RACGAP1: variants seen among roughly 807,000 people sequenced by gnomAD.
The protein encoded by RACGAP1 is rac GTPase-activating protein 1.
RACGAP1 carries 30 observed loss-of-function variants against 78.1 expected under a neutral mutation model. That is an observed-to-expected ratio of 0.38 (90% CI 0.29 to 0.52). The LOEUF (loss-of-function observed/expected upper bound fraction) is 0.52, where lower values mean the gene tolerates loss of function less well. Among genes scored for constraint, RACGAP1 ranks in the 20% least tolerant of loss-of-function variants. RACGAP1 has a pLI of 0.82. For synonymous variants in RACGAP1, 231 were observed against 264.8 expected (o/e 0.87, Z 1.24); for missense variants, 587 against 777.1 (o/e 0.76, Z 2.91).
rs766717649 is a variant in RACGAP1 at position 49,994,172 on chromosome 12, A to G, written c.1298T>C (p.Leu433Pro). The G allele has an allele frequency of 3.7e-6, 6 of 1,613,688 alleles. No individual in the cohort carries two copies. In the East Asian group the frequency reaches 1.1e-4, roughly 30 times the overall value. ...KDFLRNLKEP[L>P]LTFRLNRAFM... Reference sequence around the variant, plus strand: ...GGCTCTGTTAAGGCGAAAGGTCAGAAGAGGTTCTTTGAGGTTTCGAAGAAA... The same window carrying G: ...GGCTCTGTTAAGGCGAAAGGTCAGAGGAGGTTCTTTGAGGTTTCGAAGAAA... The change falls in exon 12 of 17, where the codon CTT becomes CCT. Residue 433 changes from leucine to proline, a missense_variant. Physicochemically the swap from Leu to Pro is moderately conservative, Grantham distance 98. Coordinates refer to ENST00000312377, the MANE Select transcript of RACGAP1 (RefSeq NM_001319999.2).
rs1351300765 is a variant in RACGAP1, at chr12:49,992,330, T to C, written c.1493A>G (p.Lys498Arg). 6.2e-7 allele frequency: 1 copy of C among 1,614,198 alleles called. No individual in the cohort carries two copies. The highest frequency in any genetic ancestry group is 1.7e-5 in the Admixed American group (1 of 60,030). Reference sequence around the variant, plus strand: ...GGCCACTATTGTAGGGCCAAAGACTTTAGCCAGATTGGCAACATCCATTTT... The same window carrying C: ...GGCCACTATTGTAGGGCCAAAGACTCTAGCCAGATTGGCAACATCCATTTT... The part of the protein sequence containing the change: ...HTKMDVANLA[K>R]VFGPTIVAHA... The change falls in exon 14 of 17, where the codon AAA becomes AGA. Residue 498 changes from lysine to arginine, a missense_variant. Coordinates refer to ENST00000312377, the MANE Select transcript of RACGAP1 (RefSeq NM_001319999.2).
chr12:50,007,652 C>T (rs781050464), intron 2 of RACGAP1, among the ~76,000 whole-genome samples: 3 of 152,184 alleles, frequency 2.0e-5, no homozygotes, highest in African/African-American at 4.8e-5. Context: ...AGAAACAATA[C>T]ATAGTCCTTT....
At chr12:50,013,544 A>G (rs892828882) in intron 2 of RACGAP1, among the ~76,000 whole-genome samples, 37 of 152,120 alleles carry the variant, frequency 2.4e-4, no homozygotes, top group Non-Finnish European at 1.2e-4. Flanking sequence ...CTCTTTCCTG[A>G]GCTATGACAA....
At chr12:49,999,801 T>C (rs575015028) in intron 7 of RACGAP1, 68 bp from the exon 8 acceptor site, 3 of 1,271,470 alleles carry the variant, frequency 2.4e-6, no homozygotes, top group South Asian at 2.4e-5. Flanking sequence ...ATAGGGTATT[T>C]TGGAGCAGGT....
chr12:50,010,296 G>C (rs1949232876), intron 2 of RACGAP1, among the ~76,000 whole-genome samples: 1 of 150,696 alleles, frequency 6.6e-6, no homozygotes, highest in Non-Finnish European at 1.5e-5. Context: ...CCTGTAACTT[G>C]GACTTAGCTC....
At chr12:50,024,914 T>C (rs1950204211) in intron 1 of RACGAP1, among the ~76,000 whole-genome samples, 1 of 151,970 alleles carries the variant, frequency 6.6e-6, no homozygotes, top group Non-Finnish European at 1.5e-5. Context: ...TCGTTGTTAC[T>C]GAGGGTAAGA....
intron 6 of RACGAP1, 131 bp from the exon 7 acceptor site, chr12:50,001,383 TTCTC>T (rs141524970): frequency 2.1e-4 from 118 of 564,750 alleles, no homozygotes; most frequent in East Asian, 4.0e-4. Flanking sequence ...AAACAATGTG[TTCTC>T]TCTCTCTCTC....
upstream of RACGAP1, among the ~76,000 whole-genome samples, chr12:50,028,675 G>A (rs1950303028): frequency 6.6e-6 from 1 of 152,094 alleles, no homozygotes; most frequent in South Asian, 2.1e-4. Flanking sequence ...GGGAGGCTGA[G>A]GCAGGAGAAT....
At chr12:50,012,148 TG>T (rs1342036732) in intron 2 of RACGAP1, among the ~76,000 whole-genome samples, 1 of 151,396 alleles carries the variant, frequency 6.6e-6, no homozygotes, top group African/African-American at 2.4e-5. Context: ...AAAACTAGGC[TG>T]AGCATGGTGG....
At chr12:50,032,907 G>C (rs1331490221) in intron 1 of RACGAP1, 1 of 152,214 alleles carries the variant, frequency 6.6e-6, no homozygotes, top group Non-Finnish European at 1.5e-5. Context: ...CAATGATGGG[G>C]TTGGTGCTGA....
At chr12:50,008,308 C>T (rs1949098301) in intron 2 of RACGAP1, among the ~76,000 whole-genome samples, 2 of 151,560 alleles carry the variant, frequency 1.3e-5, no homozygotes, top group African/African-American at 4.9e-5. Flanking sequence ...AAGCAATTCT[C>T]CTGCCTCAGC....
At chr12:50,009,466 A>AT (rs11377593) in intron 2 of RACGAP1, among the ~76,000 whole-genome samples, 109,802 of 149,552 alleles carry the variant, frequency 0.73, 46,164 homozygotes, top group Non-Finnish European at 0.92. Flanking sequence ...AGAAATCCTG[A>AT]TTTTTTTTTT....
In RACGAP1 at chr12:49,997,082, G is replaced by A. The variant is rs565472947; in HGVS notation, c.1002C>T (p.Pro334=). The A allele has an allele frequency of 1.3e-6, 2 of 1,597,166 alleles. No homozygotes were observed. Among genetic ancestry groups the A allele is most frequent in the East Asian group, 2.3e-5 (1 of 44,276 alleles). The stretch of plus-strand genomic sequence containing the variant: ...GTGTTCCTATCAGGGTAGGAATGCA[G>A]GGAAGGGGACAGCGGTCCCGACATT... ...HPECRDRCPL[P]CIPTLIGTPV... The change falls in exon 10 of 17, where the codon CCC becomes CCT. Residue 334 remains proline (P), a synonymous_variant. Coordinates refer to ENST00000312377, the MANE Select transcript of RACGAP1 (RefSeq NM_001319999.2).
At chr12:49,996,803 G>T (rs1390939933) in intron 10 of RACGAP1, among the ~76,000 whole-genome samples, 1 of 151,530 alleles carries the variant, frequency 6.6e-6, no homozygotes, top group Non-Finnish European at 1.5e-5. Flanking sequence ...AAGAGGCAAG[G>T]AGAAGCAGGG....
At chr12:50,030,821 C>T in intron 2 of RACGAP1, among the ~76,000 whole-genome samples, 1 of 151,486 alleles carries the variant, frequency 6.6e-6, no homozygotes, top group East Asian at 2.0e-4. Flanking sequence ...GCTCTTTCAC[C>T]CAGGCTGGAG....
upstream of RACGAP1, chr12:50,033,279 G>C (rs1950351465): frequency 6.6e-6 from 1 of 152,224 alleles, no homozygotes; most frequent in South Asian, 2.1e-4. Flanking sequence ...GGCGGGGGTG[G>C]GGCGATGCGG....
chr12:50,028,939 C>T (rs1017181674), upstream of RACGAP1, among the ~76,000 whole-genome samples: 8 of 151,750 alleles, frequency 5.3e-5, no homozygotes, highest in African/African-American at 1.7e-4. Flanking sequence ...AAAGTTAGGC[C>T]GGGCACAGTG....
At position 50,016,702 on chromosome 12, in the gene RACGAP1, A is replaced by G. The variant is rs973283620; in HGVS notation, c.14T>C (p.Met5Thr). Residue 5 changes from methionine to threonine, a missense_variant, in exon 2 of 17, where the codon ATG becomes ACG. By Grantham distance (81) the Met-to-Thr change is moderately conservative. Transcript: ENST00000312377. MDTM[M>T]LNVRNLFEQL... is the part of the protein sequence containing the mutation. ...CTCAAACAGATTCCGCACATTCAGC[A>G]TCATAGTATCCATCTTTCTGCCAAG... 6.2e-7 allele frequency: 1 copy of G among 1,613,790 alleles called. No individual in the cohort carries two copies. The highest frequency in any genetic ancestry group is 1.3e-5 in the African/African-American group (1 of 74,938).
intron 2 of RACGAP1, among the ~76,000 whole-genome samples, chr12:50,010,318 C>CTTT (rs370154975): frequency 0.059 from 8,348 of 142,658 alleles, 824 homozygotes; most frequent in African/African-American, 0.2. Context: ...CTTTTTTTAA[C>CTTT]TTTTTTTTTT....
Sources: gnomAD v4.1 joint callset for allele counts (sites outside exome capture counted in the v4.1 genomes callset) on GRCh38, gnomAD v4.1.1 for gene constraint, MANE v1.5 for transcripts, NCBI Gene and HGNC (gene_info 2026-07-23, HGNC 2026-07-21) for gene names.